The following SHANK2 variants were observed in gnomAD, a reference collection of about 807,000 sequenced individuals.
SHANK2 encodes the protein SH3 and multiple ankyrin repeat domains 2, also known as SH3 and multiple ankyrin repeat domains protein 2.
A neutral mutation model predicts 133.7 loss-of-function variants in SHANK2; 43 were observed. The observed-to-expected ratio is 0.32, with a 90% CI of 0.25 to 0.41. The LOEUF (loss-of-function observed/expected upper bound fraction) is 0.41. SHANK2 is among the 10% of genes least tolerant of loss of function. The probability of loss-of-function intolerance (pLI) is 1.00; values close to 1 mark genes in which losing one functional copy is unlikely to be tolerated. For missense variants in SHANK2, 1,994 were observed against 2,235.8 expected, an observed-to-expected ratio of 0.89 and a Z score of 2.18; for synonymous variants, 1,017 against 952.8, an observed-to-expected ratio of 1.07 and a Z score of -1.24.
At chr11:70,637,531 G>T (rs1398891301) in intron 17 of SHANK2, among the ~76,000 whole-genome samples, 2 of 152,066 alleles carry the variant, frequency 1.3e-5, no homozygotes, top group African/African-American at 2.4e-5. Context: ...GCCAGCCCAT[G>T]ATAGGCAGCT....
intron 17 of SHANK2, among the ~76,000 whole-genome samples, chr11:70,550,028 A>T (rs1180335925): frequency 6.6e-6 from 1 of 152,098 alleles, no homozygotes; most frequent in Non-Finnish European, 1.5e-5. Context: ...TCCCCCAGAA[A>T]AACCGCACCG....
chr11:70,882,776 G>A lies in SHANK2; in HGVS notation c.1174+13725C>T, dbSNP rs115650441. ...GGCCACCTCTGTGCCATCTGTCCAC[G>A]CTGGCCCAGCATCTGCGAGCACAGG... On this transcript the variant is annotated intron_variant, in intron 11 of 25. Transcript: ENST00000601538. This position sits in a 1 kb window ranked among gnomAD's most constrained non-coding sequence, Gnocchi z 4.2. Among the ~76,000 whole-genome samples the A allele has an allele frequency of 1.0e-3, 153 of 152,326 alleles. No individual in the cohort carries two copies. The highest frequency in any genetic ancestry group is 3.3e-3 in the African/African-American group (138 of 41,582).
intron 17 of SHANK2, among the ~76,000 whole-genome samples, chr11:70,522,964 G>A (rs12222819): frequency 0.095 from 14,407 of 152,188 alleles, 983 homozygotes; most frequent in East Asian, 0.33. Context: ...CTCCAGACCC[G>A]CAGCTCCAAT....
intron 10 of SHANK2, among the ~76,000 whole-genome samples, chr11:70,939,576 G>C (rs1950617288): frequency 6.6e-6 from 1 of 152,174 alleles, no homozygotes; most frequent in Non-Finnish European, 1.5e-5. Flanking sequence ...TGCTCACCAA[G>C]GCCTCTCCTG....
chr11:70,878,740 G>A (rs1349984958), intron 11 of SHANK2, among the ~76,000 whole-genome samples: 1 of 152,128 alleles, frequency 6.6e-6, no homozygotes, highest in Non-Finnish European at 1.5e-5. Context: ...CATCAAAAGG[G>A]ACCCTGACAA....
chr11:70,671,502 A>C (rs556057766), intron 15 of SHANK2, among the ~76,000 whole-genome samples: 1 of 152,360 alleles, frequency 6.6e-6, no homozygotes, highest in East Asian at 1.9e-4. Context: ...AGCACTCAGC[A>C]GGGGCTGGAA....
rs147959825 is a variant in SHANK2, at chr11:71,239,955, C to T, written c.-113+12470G>A. On this transcript the variant is annotated intron_variant, in intron 1 of 25. Transcript: ENST00000601538. ...GGTGTCTCAGGCAACCACACATCCC[C>T]GGGAGCTGGGCAAACACCAGGCAGT... is the stretch of plus-strand genomic sequence containing the variant. Among the ~76,000 whole-genome samples the T allele has an allele frequency of 2.8e-3, 431 of 152,308 alleles. 2 individuals carry two copies. Among genetic ancestry groups the T allele is most frequent in the African/African-American group, 9.7e-3 (402 of 41,576 alleles).
chr11:70,565,488 C>T (rs2059957201), intron 17 of SHANK2, among the ~76,000 whole-genome samples: 1 of 152,140 alleles, frequency 6.6e-6, no homozygotes, highest in Admixed American at 6.5e-5. Flanking sequence ...CCTTGTGATC[C>T]ACCCACCTCG....
intron 2 of SHANK2, among the ~76,000 whole-genome samples, chr11:71,211,642 C>A (rs1424400249): frequency 1.1e-3 from 130 of 117,790 alleles, no homozygotes; most frequent in South Asian, 1.9e-3. Flanking sequence ...TGAGCATTTG[C>A]AAAAAAAAAA....
chr11:71,069,920 A>G (rs1049205750), intron 9 of SHANK2, among the ~76,000 whole-genome samples: 253 of 152,344 alleles, frequency 1.7e-3, no homozygotes, highest in African/African-American at 5.9e-3. Context: ...CTTTCTGCTT[A>G]AAGTTGCTAG....
intron 17 of SHANK2, among the ~76,000 whole-genome samples, chr11:70,627,911 T>A (rs2060925797): frequency 6.6e-6 from 1 of 152,202 alleles, no homozygotes; most frequent in Admixed American, 6.5e-5. Flanking sequence ...GGATTGGACC[T>A]CAAAGGGTGC....
At chr11:70,693,792 G>A (rs578028220) in intron 15 of SHANK2, among the ~76,000 whole-genome samples, 1 of 152,202 alleles carries the variant, frequency 6.6e-6, no homozygotes, top group South Asian at 2.1e-4. Flanking sequence ...GGATGGACGG[G>A]GGAGTGAACA....
At chr11:70,745,651 A>C (rs1457921934) in intron 14 of SHANK2, among the ~76,000 whole-genome samples, 1 of 152,046 alleles carries the variant, frequency 6.6e-6, no homozygotes, top group African/African-American at 2.4e-5. Context: ...CGTGTAGAGT[A>C]AGCTTGGATG....
chr11:71,218,639 C>T (rs929157243), intron 2 of SHANK2, among the ~76,000 whole-genome samples: 1 of 152,084 alleles, frequency 6.6e-6, no homozygotes, highest in Admixed American at 6.6e-5. Flanking sequence ...TTCATCGCTA[C>T]CTTCTCACCA....
At chr11:71,233,985 T>A (rs782693745) in intron 1 of SHANK2, among the ~76,000 whole-genome samples, 4 of 151,456 alleles carry the variant, frequency 2.6e-5, no homozygotes, top group Non-Finnish European at 4.4e-5. Context: ...AGGCAGAGGC[T>A]GCAGTGAACC....
rs115528676 is a variant in SHANK2, at chr11:70,685,442, G to A, written c.1853+13246C>T. Among the ~76,000 whole-genome samples, 555 of 152,136 alleles carry A rather than the reference G, an allele frequency of 3.6e-3. 4 individuals are homozygous for A. The highest frequency in any genetic ancestry group is 0.013 in the African/African-American group (539 of 41,492). ...GCCAGCCTCCACCTTGACCTTGGGGGCAGTAGAGTCAGGTTTTAATCAGCA... is the reference window on the plus strand; with the variant it reads ...GCCAGCCTCCACCTTGACCTTGGGGACAGTAGAGTCAGGTTTTAATCAGCA... On this transcript the variant is annotated intron_variant, in intron 15 of 25. Transcript: ENST00000601538.
intron 15 of SHANK2, among the ~76,000 whole-genome samples, chr11:70,691,619 C>T (rs1455490286): frequency 1.3e-5 from 2 of 152,174 alleles, no homozygotes; most frequent in Admixed American, 6.5e-5. Flanking sequence ...GGGCCAGGTG[C>T]GGTGGCTCAC....
intron 17 of SHANK2, among the ~76,000 whole-genome samples, chr11:70,598,113 C>A (rs1016918668): frequency 5.3e-5 from 8 of 152,208 alleles, no homozygotes; most frequent in Non-Finnish European, 1.5e-5. Flanking sequence ...GCGCTGGAGT[C>A]CAGAGCCAGC....
In SHANK2 at chr11:70,804,544, G is replaced by A. The variant is rs1590701438; in HGVS notation, c.1663+2458C>T. Among the ~76,000 whole-genome samples, 1 of 152,274 alleles carries A rather than the reference G, an allele frequency of 6.6e-6. No homozygotes were observed. Among genetic ancestry groups the A allele is most frequent in the African/African-American group, 2.4e-5 (1 of 41,566 alleles). On this transcript the variant is annotated intron_variant, in intron 13 of 25. Transcript: ENST00000601538. This position sits in a 1 kb window ranked among gnomAD's most constrained non-coding sequence, Gnocchi z 4.1. ...CTCCCCGCACGCCCCACGCTCCTGC[G>A]AGGGGCGGGTTCCAGTCTGGTCATG...
Sources: gnomAD v4.1 joint callset for allele counts (sites outside exome capture counted in the v4.1 genomes callset) on GRCh38, gnomAD v4.1.1 for gene constraint, Gnocchi (gnomAD v3.1) non-coding constraint, MANE v1.5 for transcripts, NCBI Gene and HGNC (gene_info 2026-07-23, HGNC 2026-07-21) for gene names.